Variants in MXRA5 observed in about 807,000 individuals in gnomAD.
The protein encoded by MXRA5 is matrix remodeling associated 5, also known as matrix-remodeling-associated protein 5.
MXRA5 carries 41 observed loss-of-function variants against 112.5 expected under a neutral mutation model. The ratio of observed to expected loss-of-function variants is 0.36; its 90% CI spans 0.28 to 0.47. The LOEUF (loss-of-function observed/expected upper bound fraction) is 0.47, where lower values mean the gene tolerates loss of function less well. Ranked by LOEUF, MXRA5 falls within the 20% of genes least tolerant of loss-of-function variation. MXRA5 has a pLI of 0.99. For synonymous variants in MXRA5, 862 were observed against 900.8 expected (o/e 0.96, Z 0.77); for missense variants, 2,150 against 2,251.0 (o/e 0.96, Z 0.91).
chrX:3,339,620 G>T (rs1006455406), intron 2 of MXRA5, among the ~76,000 whole-genome samples: 3 of 111,460 alleles, frequency 2.7e-5, no homozygotes, highest in Admixed American at 1.9e-4. Flanking sequence ...GATGCCAAGG[G>T]TGCCAGATGT....
intron 3 of MXRA5, 69 bp from the exon 4 acceptor site, chrX:3,330,477 A>G: frequency 8.9e-7 from 1 of 1,129,565 alleles, no homozygotes; most frequent in Non-Finnish European, 1.2e-6. Context: ...CCACAACCAC[A>G]AACAGAAACC....
chrX:3,317,129 G>C lies in MXRA5; in HGVS notation c.6552C>G (p.Ser2184=). 1.7e-6 allele frequency: 2 copies of C among 1,184,926 alleles called. No homozygotes were observed. The highest frequency in any genetic ancestry group is 4.9e-4 in the Middle Eastern group (2 of 4,084). The part of the protein sequence containing the change: ...PWPRILWRLP[S]KRMIDALFSF... ...TGAAGAGCGCGTCGATCATCCTCTT[G>C]GACGGCAGCCTCCAGAGGATGCGCG... is the stretch of plus-strand genomic sequence containing the variant. Residue 2184 remains serine, a synonymous_variant, in exon 6 of 7, where the codon TCC becomes TCG. Transcript: ENST00000217939.
Position 3,309,858 on chromosome X carries a change from C to G in MXRA5, c.8345G>C (p.Arg2782Pro), listed in dbSNP as rs746677702. 8.3e-7 allele frequency: 1 copy of G among 1,211,578 alleles called. No individual in the cohort carries two copies. The highest frequency in any genetic ancestry group is 1.1e-6 in the Non-Finnish European group (1 of 895,533). ...KSHLKAGVQA[R>P]LYGNRFLHPQ... ...GTGAAGAAATCTGTTTCCATACAGA[C>G]GAGCCTGAACCCCTGCCTTCAGATG... The change falls in exon 7 of 7, where the codon CGT (arginine) becomes CCT (proline). Residue 2782 changes from arginine (R) to proline (P), a missense_variant. By Grantham distance (103) the Arg-to-Pro change is moderately radical. This residue lies in a region of MXRA5 where 178 missense variants were observed against 198.2 expected (regional missense o/e 0.90). Transcript: ENST00000217939.
At position 3,320,062 on chromosome X, in the gene MXRA5, A is replaced by C; in HGVS notation, c.5623T>G (p.Cys1875Gly). ...GGCTTTGGTTTTCCTGTTGCCTCAC[A>C]GGGGAACACAGTGTCTGTCTCAGCG... Reference protein sequence around the residue: ...VTAETDTVFPCEATGKPKPFV... With the variant: ...VTAETDTVFPGEATGKPKPFV... Residue 1875 changes from cysteine (C) to glycine (G), a missense_variant, in exon 5 of 7, where the codon TGT (cysteine) becomes GGT (glycine). Physicochemically the swap from Cys to Gly is radical, Grantham distance 159 (BLOSUM62 -3). Transcript: ENST00000217939. The C allele has an allele frequency of 8.3e-7, 1 of 1,210,029 alleles. No individual in the cohort carries two copies.
At position 3,322,863 on chromosome X, in the gene MXRA5, G is replaced by A. The variant is rs1921349141; in HGVS notation, c.2822C>T (p.Thr941Ile). The change falls in exon 5 of 7, where the codon ACA (threonine) becomes ATA (isoleucine). Residue 941 changes from threonine to isoleucine, a missense_variant. Physicochemically the swap from Thr to Ile is moderately conservative, Grantham distance 89 (BLOSUM62 -1). This residue lies in a region of MXRA5 where 1,485 missense variants were observed against 1,471.6 expected (regional missense o/e 1.01). Transcript: ENST00000217939. ...AACATCTGCTGCAGACCAACCCTCT[G>A]TTGCCGTCTCTTCATGGGTGGGCTT... ...YEKPTHEETA[T>I]EGWSAADVGS... 2 of 1,211,488 alleles carry A rather than the reference G, an allele frequency of 1.7e-6. No individual in the cohort carries two copies. Among genetic ancestry groups the A allele is most frequent in the Non-Finnish European group, 1.1e-6 (1 of 895,492 alleles).
chrX:3,323,855 G>T lies in MXRA5; in HGVS notation c.1830C>A (p.Ser610Arg). ...NALAIPEAHL[S>R]WILPNRRIIN... The stretch of plus-strand genomic sequence containing the variant: ...TTATCCTTCTGTTTGGAAGAATCCA[G>T]CTAAGGTGGGCTTCGGGTATTGCTA... The change falls in exon 5 of 7, where the codon AGC becomes AGA. Residue 610 changes from serine (S) to arginine (R), a missense_variant. Around this residue, in one of 6 missense-constraint regions of MXRA5, gnomAD observed 1,485 missense variants for 1,471.6 expected, o/e 1.01. Transcript: ENST00000217939. 1 of 1,210,055 alleles carries T rather than the reference G, an allele frequency of 8.3e-7. No homozygotes were observed. The highest frequency in any genetic ancestry group is 1.1e-6 in the Non-Finnish European group (1 of 894,403).
chrX:3,311,426 A>T lies in MXRA5; in HGVS notation c.6777T>A (p.Gly2259=), dbSNP rs41311453. ...TGGCCACACAGTCCACTTTCAGGTC[A>T]CCCCCGTAGAAGACTTTGTGGTCGT... ...EENDHKVFYG[G]DLKVDCVATG... is the part of the protein sequence containing the mutation. The change falls in exon 7 of 7, where the codon GGT becomes GGA. Residue 2259 remains glycine, a synonymous_variant. Transcript: ENST00000217939. 6.4e-5 allele frequency: 77 copies of T among 1,209,129 alleles called. No individual in the cohort carries two copies. The highest frequency in any genetic ancestry group is 8.6e-5 in the Non-Finnish European group (77 of 895,030).
At chrX:3,327,456 A>T (rs1449529875) in intron 4 of MXRA5, among the ~76,000 whole-genome samples, 1 of 112,380 alleles carries the variant, frequency 8.9e-6, no homozygotes, top group Admixed American at 9.4e-5. Flanking sequence ...TGCCCTGAAG[A>T]TGATGAGCAG....
chrX:3,341,822 T>A (rs1455496745), intron 2 of MXRA5, among the ~76,000 whole-genome samples: 1 of 101,827 alleles, frequency 9.8e-6, no homozygotes, highest in Admixed American at 1.2e-4. Context: ...AGGTGGCTAA[T>A]CCCAGCAAGT....
intron 4 of MXRA5, among the ~76,000 whole-genome samples, chrX:3,328,057 T>C (rs1382161969): frequency 8.9e-6 from 1 of 112,364 alleles, no homozygotes; most frequent in East Asian, 2.8e-4. Flanking sequence ...TCCAAATGCA[T>C]TTTCAGGCCC....
At chrX:3,345,048 G>C (rs1259208860) in intron 1 of MXRA5, among the ~76,000 whole-genome samples, 1 of 111,882 alleles carries the variant, frequency 8.9e-6, no homozygotes, top group Non-Finnish European at 1.9e-5. Context: ...CAGGAGATTC[G>C]CTTGAATCCG....
In MXRA5 at chrX:3,321,506, T is replaced by C; in HGVS notation, c.4179A>G (p.Thr1393=). The C allele has an allele frequency of 8.3e-7, 1 of 1,211,123 alleles. No individual in the cohort carries two copies. The highest frequency in any genetic ancestry group is 3.0e-5 in the East Asian group (1 of 33,852). ...SRTAQPGRLQ[T]GIPVTTSGEN... The stretch of plus-strand genomic sequence containing the variant: ...CCCCAGAAGTGGTAACAGGTATGCC[T>C]GTCTGTAGCCTCCCAGGCTGGGCCG... The change falls in exon 5 of 7, where the codon ACA becomes ACG. Residue 1393 remains threonine, a synonymous_variant. Transcript: ENST00000217939.
chrX:3,341,837 C>T (rs977724444), intron 2 of MXRA5, among the ~76,000 whole-genome samples: 32 of 102,888 alleles, frequency 3.1e-4, no homozygotes, highest in Admixed American at 7.1e-4. Flanking sequence ...GCAAGTTAGA[C>T]CATGTGTTAA....
chrX:3,335,875 C>T (rs956642668), intron 2 of MXRA5, among the ~76,000 whole-genome samples: 2 of 112,056 alleles, frequency 1.8e-5, no homozygotes, highest in African/African-American at 6.5e-5. Context: ...TGTGGGTGAC[C>T]CTTGAACCAT....
chrX:3,326,508 T>C (rs1165469087), intron 4 of MXRA5, among the ~76,000 whole-genome samples: 1 of 104,937 alleles, frequency 9.5e-6, no homozygotes, highest in African/African-American at 3.4e-5. Flanking sequence ...ACTATATCTA[T>C]ATTTATAACT....
rs768865325 is a variant in MXRA5 at position 3,338,524 on chromosome X, G to GTAGA, written c.188+5118_188+5121dup. Among the ~76,000 whole-genome samples, 12 of 111,333 alleles carry GTAGA rather than the reference G, an allele frequency of 1.1e-4. 1 individual carries two copies. Among genetic ancestry groups the GTAGA allele is most frequent in the Admixed American group, 8.6e-4 (9 of 10,460 alleles). On this transcript the variant is annotated intron_variant, in intron 2 of 6. Transcript: ENST00000217939. ...GTGATAGATAGATGATAGATGATAG[G>GTAGA]TAGATAGATAGAATACATGATAGAG...
Position 3,311,183 on chromosome X carries a change from C to T in MXRA5, c.7020G>A (p.Lys2340=). The part of the protein sequence containing the change: ...VGKDEMRVRV[K]VVTAPATIRN... ...GGATGGTGGCGGGCGCTGTCACCAC[C>T]TTGACTCTGACTCTCATCTCGTCCT... Residue 2340 remains lysine, a synonymous_variant, in exon 7 of 7, where the codon AAG becomes AAA. Coordinates refer to ENST00000217939, the MANE Select transcript of MXRA5 (RefSeq NM_015419.4). 3.3e-6 allele frequency: 4 copies of T among 1,211,915 alleles called. No individual in the cohort carries two copies. Among genetic ancestry groups the T allele is most frequent in the Non-Finnish European group, 4.5e-6 (4 of 895,599 alleles).
chrX:3,310,846 G>T lies in MXRA5; in HGVS notation c.7357C>A (p.Arg2453=), dbSNP rs41302627. 4 of 1,210,350 alleles carry T rather than the reference G, an allele frequency of 3.3e-6. No individual in the cohort carries two copies. Among genetic ancestry groups the T allele is most frequent in the Non-Finnish European group, 4.5e-6 (4 of 895,088 alleles). The part of the protein sequence containing the change: ...NGNPNPITTV[R]EIAAGGSRKL... ...CGACTGCCCCCGGCTGCTATCTCCC[G>T]CACAGTGGTGATGGGGTTGGGGTTA... The change falls in exon 7 of 7, where the codon CGG becomes AGG. Residue 2453 remains arginine, a synonymous_variant. Transcript: ENST00000217939.
intron 4 of MXRA5, among the ~76,000 whole-genome samples, chrX:3,329,319 A>T (rs371365396): frequency 1.1e-5 from 1 of 88,444 alleles, no homozygotes; most frequent in Non-Finnish European, 2.2e-5. Context: ...GAAGGAAAAA[A>T]GAAGGAAGGA....
Sources: gnomAD v4.1 joint callset for allele counts (sites outside exome capture counted in the v4.1 genomes callset) on GRCh38, gnomAD v4.1.1 for gene constraint, gnomAD v4.1.1 regional missense constraint, MANE v1.5 for transcripts, NCBI Gene and HGNC (gene_info 2026-07-23, HGNC 2026-07-21) for gene names.